Variants in NUFIP2 observed in about 807,000 individuals in gnomAD.
NUFIP2 encodes the protein nuclear FMR1 interacting protein 2.
Under a neutral mutation model 56.9 loss-of-function variants are expected in NUFIP2, and 6 were observed. The observed-to-expected ratio is 0.11, with a 90% CI of 0.06 to 0.21. The LOEUF is 0.21. NUFIP2 is among the 10% of genes least tolerant of loss of function. NUFIP2 has a pLI of 1.00. For missense variants in NUFIP2, 828 were observed against 826.8 expected, an observed-to-expected ratio of 1.00 and a Z score of -0.02; for synonymous variants, 321 against 298.2, an observed-to-expected ratio of 1.08 and a Z score of -0.79.
chr17:29,272,973 C>A (rs1159297588), intron 2 of NUFIP2, among the ~76,000 whole-genome samples: 1 of 151,574 alleles, frequency 6.6e-6, no homozygotes, highest in Non-Finnish European at 1.5e-5. Context: ...CCTCAGCCTC[C>A]CAAATAGCTG....
In NUFIP2 at chr17:29,261,668, T is replaced by C. The variant is rs957584492; in HGVS notation, c.*2871A>G. ...TTTTTAATAAGTGCTCTGTAAGGAATTGTGTGAGGACCTAAGGAGAAAGAT... is the reference window on the plus strand; with the variant it reads ...TTTTTAATAAGTGCTCTGTAAGGAACTGTGTGAGGACCTAAGGAGAAAGAT... On this transcript the variant is annotated 3_prime_UTR_variant, in exon 4 of 4. Coordinates refer to ENST00000225388, the MANE Select transcript of NUFIP2 (RefSeq NM_020772.3). The C allele has an allele frequency of 1.3e-5, 2 of 152,512 alleles. No homozygotes were observed. The highest frequency in any genetic ancestry group is 2.9e-5 in the Non-Finnish European group (2 of 67,976). The allele number at this position is 152,512 out of a possible 1,614,324, so 9.4% of individuals were successfully genotyped here.
In NUFIP2 at chr17:29,262,887, G is replaced by C. The variant is rs1227303787; in HGVS notation, c.*1652C>G. The stretch of plus-strand genomic sequence containing the variant: ...TGTTGAGTCCAACAGCTTCTTTCAT[G>C]AACTACTTGTTTTAAAAGCCTCAAA... On this transcript the variant is annotated 3_prime_UTR_variant, in exon 4 of 4. Coordinates refer to ENST00000225388, the MANE Select transcript of NUFIP2 (RefSeq NM_020772.3). The C allele has an allele frequency of 1.3e-5, 2 of 152,196 alleles. No individual in the cohort carries two copies. The highest frequency in any genetic ancestry group is 2.9e-5 in the Non-Finnish European group (2 of 67,978). The allele number at this position is 152,196 out of a possible 1,614,324, so 9.4% of individuals were successfully genotyped here.
At position 29,258,476 on chromosome 17, in the gene NUFIP2, G is replaced by A. The variant is rs974401957; in HGVS notation, c.*6063C>T. The A allele has an allele frequency of 4.6e-5, 7 of 152,102 alleles. No homozygotes were observed. Among genetic ancestry groups the A allele is most frequent in the Non-Finnish European group, 8.8e-5 (6 of 68,006 alleles). 9.4% of individuals were successfully genotyped at this position (152,102 alleles called of 1,614,324 possible). On this transcript the variant is annotated 3_prime_UTR_variant, in exon 4 of 4. Coordinates refer to ENST00000225388, the MANE Select transcript of NUFIP2 (RefSeq NM_020772.3). ...AAGTCCCCAGCTTACATAGACAAAT[G>A]TTTTCTAAAAGATCAGCAACAAATC...
chr17:29,273,323 C>A (rs2153011339), intron 2 of NUFIP2, among the ~76,000 whole-genome samples: 1 of 152,316 alleles, frequency 6.6e-6, no homozygotes, highest in Non-Finnish European at 1.5e-5. Context: ...CAGGCGTGAG[C>A]CACCGCGCCC....
Position 29,293,997 on chromosome 17 carries a change from AT to A in NUFIP2, c.62del (p.His21LeufsTer53). 2 of 1,612,602 alleles carry A rather than the reference AT, an allele frequency of 1.2e-6. No individual in the cohort carries two copies. The highest frequency in any genetic ancestry group is 2.7e-5 in the African/African-American group (2 of 74,816). On this transcript the variant is annotated frameshift_variant, in exon 1 of 4. Coordinates refer to ENST00000225388, the MANE Select transcript of NUFIP2 (RefSeq NM_020772.3). LOFTEE classifies it high-confidence loss of function. ...QHHHSHHHPH[H>X]HPQQQQQQPH... is the part of the protein sequence containing the mutation. ...GCTGCTGCTGCTGCTGCTGAGGGTG[AT>A]GGTGCGGATGGTGGTGGCTGTGATG...
At position 29,294,137 on chromosome 17, in the gene NUFIP2, C is replaced by T. The variant is rs990995712; in HGVS notation, c.-78G>A. ...ATCTGAGACTGCTTCTCAGGGCTCA[C>T]TCAGTATATCTGAGCGCGTCTCGCC... On this transcript the variant is annotated 5_prime_UTR_variant, in exon 1 of 4. In the 5' UTR this introduces an upstream ATG that the reference lacks. Coordinates refer to ENST00000225388, the MANE Select transcript of NUFIP2 (RefSeq NM_020772.3). The T allele has an allele frequency of 6.0e-6, 9 of 1,504,066 alleles. No homozygotes were observed. The highest frequency in any genetic ancestry group is 2.1e-5 in the Admixed American group (1 of 47,746). 93.2% of individuals were successfully genotyped at this position (1,504,066 alleles called of 1,614,324 possible). A position where few individuals can be genotyped will look rare whatever the true frequency, so the allele number is the denominator to read the frequency against.
chr17:29,282,499 G>C (rs1204395051), intron 2 of NUFIP2, among the ~76,000 whole-genome samples: 1 of 150,130 alleles, frequency 6.7e-6, no homozygotes, highest in Admixed American at 6.7e-5. Flanking sequence ...AGTGAGCCAA[G>C]ACTGTGACAC....
chr17:29,272,890 C>T (rs985892136), intron 2 of NUFIP2, among the ~76,000 whole-genome samples: 1 of 151,154 alleles, frequency 6.6e-6, no homozygotes, highest in Non-Finnish European at 1.5e-5. Flanking sequence ...CTTGCTGTCG[C>T]CCAGGCTGAA....
chr17:29,282,152 A>G (rs895975014), intron 2 of NUFIP2, among the ~76,000 whole-genome samples: 1 of 152,112 alleles, frequency 6.6e-6, no homozygotes. Context: ...AGTACGCTTA[A>G]GGTTCCAAGT....
rs1263658459 is a variant in NUFIP2, at chr17:29,287,704, A to G, written c.290T>C (p.Leu97Pro). ...TTCTCTTTCTCCAGCATTACCGTTTAGTTCACCATAGCCTAGGGGAGGGGA... is the reference window on the plus strand; with the variant it reads ...TTCTCTTTCTCCAGCATTACCGTTTGGTTCACCATAGCCTAGGGGAGGGGA... ...TPKKKTGYGELNGNAGEREIS... is the reference protein window; with the variant it reads ...TPKKKTGYGEPNGNAGEREIS... The change falls in exon 2 of 4, where the codon CTA becomes CCA. Residue 97 changes from leucine to proline, a missense_variant. By Grantham distance (98) the Leu-to-Pro change is moderately conservative. Coordinates refer to ENST00000225388, the MANE Select transcript of NUFIP2 (RefSeq NM_020772.3). 1.2e-6 allele frequency: 2 copies of G among 1,605,324 alleles called. No individual in the cohort carries two copies. The highest frequency in any genetic ancestry group is 2.7e-5 in the African/African-American group (2 of 74,000).
chr17:29,284,176 A>C (rs2069156740), intron 2 of NUFIP2, among the ~76,000 whole-genome samples: 1 of 152,220 alleles, frequency 6.6e-6, no homozygotes, highest in South Asian at 2.1e-4. Context: ...GCCACTGTTA[A>C]AATGGGAATG....
chr17:29,287,190 T>G lies in NUFIP2; in HGVS notation c.804A>C (p.Gln268His). The G allele has an allele frequency of 6.2e-7, 1 of 1,614,194 alleles. No homozygotes were observed. Among genetic ancestry groups the G allele is most frequent in the Non-Finnish European group, 8.5e-7 (1 of 1,180,038 alleles). ...TCGAACCATCTACTCGATTTCCCTT[T>G]TGTTCACTATAGTCAGGCTTGAAAG... ...LETFKPDYSEQKGNRVDGSKP... is the reference protein window; with the variant it reads ...LETFKPDYSEHKGNRVDGSKP... Residue 268 changes from glutamine (Q) to histidine (H), a missense_variant, in exon 2 of 4, where the codon CAA becomes CAC. Around this residue, in one of 3 missense-constraint regions of NUFIP2, gnomAD observed 415 missense variants for 408.7 expected, o/e 1.02. Transcript: ENST00000225388.
intron 2 of NUFIP2, among the ~76,000 whole-genome samples, chr17:29,285,265 A>T (rs2069165732): frequency 1.3e-5 from 2 of 151,316 alleles, no homozygotes; most frequent in African/African-American, 4.9e-5. Context: ...ACACCACTGC[A>T]CTCCAGCCTG....
intron 3 of NUFIP2, among the ~76,000 whole-genome samples, chr17:29,266,723 A>G (rs2069039254): frequency 6.6e-6 from 1 of 151,880 alleles, no homozygotes; most frequent in African/African-American, 2.4e-5. Context: ...CTACATTAAT[A>G]ACATTTATGG....
chr17:29,290,954 AG>A (rs1469030839), intron 1 of NUFIP2, among the ~76,000 whole-genome samples: 1 of 151,478 alleles, frequency 6.6e-6, no homozygotes, highest in Non-Finnish European at 1.5e-5. Context: ...ACTAGTATGT[AG>A]CGACTCAGAT....
intron 2 of NUFIP2, among the ~76,000 whole-genome samples, chr17:29,280,622 G>C (rs1308903077): frequency 1.3e-5 from 2 of 151,200 alleles, no homozygotes; most frequent in Non-Finnish European, 3.0e-5. Context: ...GGAGTTCAAG[G>C]GTGCAGTGAG....
chr17:29,292,820 C>A (rs577801879), intron 1 of NUFIP2, among the ~76,000 whole-genome samples: 1 of 149,086 alleles, frequency 6.7e-6, no homozygotes, highest in Non-Finnish European at 1.5e-5. Context: ...CCCCGCCCCT[C>A]ACCCCAGGGA....
At chr17:29,278,227 TTATTC>T (rs2069119248) in intron 2 of NUFIP2, among the ~76,000 whole-genome samples, 1 of 151,858 alleles carries the variant, frequency 6.6e-6, no homozygotes, top group Non-Finnish European at 1.5e-5. Context: ...TCTATTGCTC[TTATTC>T]TAATCTCATG....
At chr17:29,289,900 CGA>C (rs1567682609) in intron 1 of NUFIP2, among the ~76,000 whole-genome samples, 1 of 152,126 alleles carries the variant, frequency 6.6e-6, no homozygotes, top group East Asian at 1.9e-4. Flanking sequence ...ACTTGTACCA[CGA>C]GAGAATACAT....
Sources: gnomAD v4.1 joint callset for allele counts (sites outside exome capture counted in the v4.1 genomes callset) on GRCh38, gnomAD v4.1.1 for gene constraint, gnomAD v4.1.1 regional missense constraint, MANE v1.5 for transcripts, NCBI Gene and HGNC (gene_info 2026-07-23, HGNC 2026-07-21) for gene names.